The following SND1 variants were observed in gnomAD, a reference collection of about 807,000 sequenced individuals.
The protein encoded by SND1 is staphylococcal nuclease and tudor domain containing 1.
In SND1, 38 loss-of-function variants were observed where a neutral mutation model predicts 121.7. That is an observed-to-expected ratio of 0.31 (90% CI 0.24 to 0.41). The LOEUF (loss-of-function observed/expected upper bound fraction) is 0.41. Ranked by LOEUF, SND1 falls within the 10% of genes least tolerant of loss-of-function variation. The pLI, the probability that SND1 is intolerant of heterozygous loss-of-function variation, is 1.00. For synonymous variants in SND1, 401 were observed against 447.4 expected (o/e 0.90, Z 1.31); for missense variants, 868 against 1,184.6 (o/e 0.73, Z 3.92).
intron 17 of SND1, 42 bp downstream of exon 17, chr7:128,074,732 C>G: frequency 6.5e-7 from 1 of 1,535,818 alleles, no homozygotes; most frequent in Non-Finnish European, 8.8e-7. Flanking sequence ...GCCCTCCCGT[C>G]CTCCTCACAC....
At chr7:127,854,118 T>G (rs1799223940) in intron 12 of SND1, among the ~76,000 whole-genome samples, 1 of 152,124 alleles carries the variant, frequency 6.6e-6, no homozygotes, top group Admixed American at 6.5e-5. Context: ...CTTTGTTCGT[T>G]TTTTGTTCTG....
chr7:127,813,152 G>A (rs1798363499), intron 11 of SND1, among the ~76,000 whole-genome samples: 1 of 152,168 alleles, frequency 6.6e-6, no homozygotes, highest in Non-Finnish European at 1.5e-5. Flanking sequence ...GAGCTGTTTT[G>A]AATGACTTGT....
chr7:127,707,198 C>A (rs577234214), intron 8 of SND1, among the ~76,000 whole-genome samples: 1 of 152,238 alleles, frequency 6.6e-6, no homozygotes, highest in East Asian at 1.9e-4. Flanking sequence ...AGAAATTGAG[C>A]AGGTCTGTGC....
At position 127,844,504 on chromosome 7, in the gene SND1, T is replaced by C. The variant is rs1004173144; in HGVS notation, c.1343+80T>C. On this transcript the variant is annotated intron_variant, in intron 12 of 23. Coordinates refer to ENST00000354725, the MANE Select transcript of SND1 (RefSeq NM_014390.4). The stretch of plus-strand genomic sequence containing the variant: ...TTTGCTCATTTGAATCTTTCCTTCC[T>C]TTCACTCTGCTTTGCTTTCTCCTGC... 11 of 1,152,310 alleles carry C rather than the reference T, an allele frequency of 9.5e-6. No homozygotes were observed. The African/African-American group carries it at 1.7e-4, about 18-fold the overall frequency. The allele number at this position is 1,152,310 out of a possible 1,614,324, so 71.4% of individuals were successfully genotyped here.
chr7:127,905,585 G>A (rs1343335527), intron 14 of SND1, among the ~76,000 whole-genome samples: 2 of 152,178 alleles, frequency 1.3e-5, no homozygotes, highest in Non-Finnish European at 2.9e-5. Context: ...GGAGGCAGTT[G>A]CAATGTCAGG....
At chr7:127,921,401 G>A (rs188113219) in intron 14 of SND1, among the ~76,000 whole-genome samples, 25 of 152,202 alleles carry the variant, frequency 1.6e-4, no homozygotes, top group Admixed American at 1.5e-3. Context: ...AGTATTCAAA[G>A]TAGTGATCAA....
intron 14 of SND1, among the ~76,000 whole-genome samples, chr7:127,911,064 G>A (rs1800442459): frequency 6.6e-6 from 1 of 152,234 alleles, no homozygotes; most frequent in South Asian, 2.1e-4. Context: ...TGGTGGGAGT[G>A]TTGGGTTATC....
intron 1 of SND1, among the ~76,000 whole-genome samples, chr7:127,672,251 G>A (rs949533923): frequency 9.9e-5 from 15 of 151,580 alleles, no homozygotes; most frequent in Non-Finnish European, 1.5e-4. Flanking sequence ...TCTAACTATT[G>A]TCTTAAAACC....
intron 10 of SND1, among the ~76,000 whole-genome samples, chr7:127,729,436 T>C (rs1201534): frequency 1.7e-5 from 2 of 116,814 alleles, no homozygotes; most frequent in African/African-American, 6.6e-5. Context: ...TTTAGATAAA[T>C]TACTTTTTTT....
chr7:127,955,628 A>G (rs887049340), intron 15 of SND1, among the ~76,000 whole-genome samples: 7 of 152,062 alleles, frequency 4.6e-5, no homozygotes, highest in Non-Finnish European at 8.8e-5. Flanking sequence ...GCTTTGTTCA[A>G]CCTGCCCCCC....
At chr7:127,862,024 T>A (rs1799389299) in intron 12 of SND1, among the ~76,000 whole-genome samples, 1 of 152,210 alleles carries the variant, frequency 6.6e-6, no homozygotes, top group African/African-American at 2.4e-5. Flanking sequence ...GATTAGAAGG[T>A]AATCCCCACA....
chr7:127,952,111 T>A (rs970624815), intron 15 of SND1, among the ~76,000 whole-genome samples: 1 of 152,218 alleles, frequency 6.6e-6, no homozygotes, highest in Non-Finnish European at 1.5e-5. Flanking sequence ...GAAGTTTTTG[T>A]GTTGCTTGTC....
chr7:127,800,938 C>G (rs1183333202), intron 10 of SND1, among the ~76,000 whole-genome samples: 2 of 152,214 alleles, frequency 1.3e-5, no homozygotes, highest in Non-Finnish European at 2.9e-5. Context: ...CTATATCAGT[C>G]TACAACTTGC....
chr7:128,089,116 G>A (rs920584110), intron 21 of SND1, among the ~76,000 whole-genome samples: 14 of 152,078 alleles, frequency 9.2e-5, no homozygotes, highest in African/African-American at 2.7e-4. Context: ...GTGCAGTGGC[G>A]CAATATTGGC....
At chr7:128,090,923 G>A (rs1416369281) in intron 22 of SND1, among the ~76,000 whole-genome samples, 1 of 152,050 alleles carries the variant, frequency 6.6e-6, no homozygotes, top group Non-Finnish European at 1.5e-5. Context: ...ATATGAAACT[G>A]CCCATAATGC....
intron 15 of SND1, among the ~76,000 whole-genome samples, chr7:127,934,788 C>T (rs1036535444): frequency 3.6e-4 from 55 of 152,230 alleles, no homozygotes; most frequent in Admixed American, 5.9e-4. Flanking sequence ...GAGGAGCCTA[C>T]GCAAGTATTC....
intron 16 of SND1, chr7:128,008,205 G>A (rs2116943611): frequency 6.6e-6 from 1 of 152,354 alleles, no homozygotes; most frequent in African/African-American, 2.4e-5. Flanking sequence ...GGGAGCCTAA[G>A]TTAGAGAAGT....
intron 12 of SND1, among the ~76,000 whole-genome samples, chr7:127,862,751 G>A (rs868141288): frequency 6.6e-6 from 1 of 150,990 alleles, no homozygotes; most frequent in African/African-American, 2.5e-5. Flanking sequence ...AGAGTGTTGC[G>A]GATGGATGGG....
intron 16 of SND1, among the ~76,000 whole-genome samples, chr7:128,058,246 A>G (rs1793174604): frequency 6.6e-6 from 1 of 152,282 alleles, no homozygotes; most frequent in Non-Finnish European, 1.5e-5. Context: ...ATACGTTTCT[A>G]TTCTCACTAC....
Sources: gnomAD v4.1 joint callset for allele counts (sites outside exome capture counted in the v4.1 genomes callset) on GRCh38, gnomAD v4.1.1 for gene constraint, MANE v1.5 for transcripts, NCBI Gene and HGNC (gene_info 2026-07-23, HGNC 2026-07-21) for gene names.